The following TSPAN2 variants were observed in gnomAD, a reference collection of about 807,000 sequenced individuals.
TSPAN2 encodes tetraspanin 2, also known as tetraspanin-2.
TSPAN2 carries 24 observed loss-of-function variants against 33.3 expected under a neutral mutation model. The observed-to-expected ratio is 0.72, with a 90% CI of 0.52 to 1.01. TSPAN2 has a LOEUF of 1.01. Among genes scored for constraint, TSPAN2 ranks in the 50% least tolerant of loss-of-function variants. The probability of loss-of-function intolerance (pLI) is 0.00; values close to 1 mark genes in which losing one functional copy is unlikely to be tolerated. For missense variants in TSPAN2, 278 were observed against 281.3 expected (o/e 0.99, Z 0.08); for synonymous variants, 114 against 104.5 (o/e 1.09, Z -0.56).
At chr1:115,070,519 G>T (rs999602310) in intron 2 of TSPAN2, among the ~76,000 whole-genome samples, 1 of 151,270 alleles carries the variant, frequency 6.6e-6, no homozygotes, top group African/African-American at 2.4e-5. Flanking sequence ...ACATTCAAAG[G>T]CCTCTATACT....
chr1:115,065,664 G>A (rs930523535), intron 2 of TSPAN2, among the ~76,000 whole-genome samples: 5 of 152,050 alleles, frequency 3.3e-5, no homozygotes, highest in African/African-American at 1.2e-4. Context: ...GGGTACATAT[G>A]CTATTTCAAT....
chr1:115,072,407 C>A (rs1022275139), intron 2 of TSPAN2, among the ~76,000 whole-genome samples: 5 of 152,132 alleles, frequency 3.3e-5, no homozygotes, highest in African/African-American at 1.2e-4. Flanking sequence ...CACCTTCAAA[C>A]CTGTATTTTG....
chr1:115,053,565 A>T (rs1172565659), intron 6 of TSPAN2, 103 bp from the exon 7 acceptor site: 1 of 948,224 alleles, frequency 1.1e-6, no homozygotes, highest in Non-Finnish European at 1.6e-6. Context: ...GTGAGAGTTA[A>T]TCCATGCCAG....
chr1:115,053,342 T>C (rs1647260334), intron 7 of TSPAN2, 37 bp downstream of exon 7: 1 of 1,588,064 alleles, frequency 6.3e-7, no homozygotes, highest in Non-Finnish European at 8.6e-7. Flanking sequence ...CAAGGCTTTT[T>C]AGAGGGCAAA....
intron 1 of TSPAN2, among the ~76,000 whole-genome samples, chr1:115,073,366 C>T (rs1648264045): frequency 6.6e-6 from 1 of 152,170 alleles, no homozygotes; most frequent in South Asian, 2.1e-4. Context: ...CTTTTTGTCC[C>T]TTGCTGGGCA....
intron 7 of TSPAN2, among the ~76,000 whole-genome samples, chr1:115,050,965 T>G (rs1277511488): frequency 6.6e-6 from 1 of 152,176 alleles, no homozygotes; most frequent in Non-Finnish European, 1.5e-5. Context: ...CTAAATAATT[T>G]TCTATTGCTG....
In TSPAN2 at chr1:115,048,897, T is replaced by C. The variant is rs1207282072; in HGVS notation, c.*1593A>G. The C allele has an allele frequency of 6.6e-6, 1 of 152,176 alleles. No homozygotes were observed. The highest frequency in any genetic ancestry group is 1.9e-4 in the East Asian group (1 of 5,202). The allele number at this position is 152,176 out of a possible 1,614,324, so 9.4% of individuals were successfully genotyped here. A position where few individuals can be genotyped will look rare whatever the true frequency, so the allele number is the denominator to read the frequency against. ...CCAAAATCAGTAGCAGTAGCAAGTA[T>C]GGCAGAAAGAGAAATGTGGTTCTCC... On this transcript the variant is annotated 3_prime_UTR_variant, in exon 8 of 8. Transcript: ENST00000369516.
At chr1:115,054,569 C>G (rs1647321246) in intron 6 of TSPAN2, among the ~76,000 whole-genome samples, 1 of 152,208 alleles carries the variant, frequency 6.6e-6, no homozygotes. Flanking sequence ...TTTCACTCTT[C>G]CTCTCCTTCT....
At chr1:115,089,275 G>A in intron 1 of TSPAN2, 89 bp downstream of exon 1, 4 of 1,232,146 alleles carry the variant, frequency 3.2e-6, no homozygotes, top group Non-Finnish European at 4.4e-6. Context: ...GCGCGACTCG[G>A]ACGCCGCAGT....
rs1259291128 is a variant in TSPAN2 at position 115,048,039 on chromosome 1, A to G, written c.*2451T>C. 6.6e-6 allele frequency: 1 copy of G among 151,996 alleles called. No individual in the cohort carries two copies. Among genetic ancestry groups the G allele is most frequent in the Non-Finnish European group, 1.5e-5 (1 of 67,900 alleles). 9.4% of individuals were successfully genotyped at this position (151,996 alleles called of 1,614,324 possible). ...CAGTATATAGAAAATTTAATATGAA[A>G]TCACTTAAAATATTTCAACATTAAG... On this transcript the variant is annotated 3_prime_UTR_variant, in exon 8 of 8. Coordinates refer to ENST00000369516, the MANE Select transcript of TSPAN2 (RefSeq NM_005725.6).
chr1:115,072,225 C>T (rs1022244065), intron 2 of TSPAN2, among the ~76,000 whole-genome samples: 1 of 152,128 alleles, frequency 6.6e-6, no homozygotes, highest in Non-Finnish European at 1.5e-5. Context: ...CCCCACCCCA[C>T]ACTCCTCACC....
chr1:115,087,044 C>CA (rs1557886934), intron 1 of TSPAN2, among the ~76,000 whole-genome samples: 1 of 152,014 alleles, frequency 6.6e-6, no homozygotes, highest in Non-Finnish European at 1.5e-5. Flanking sequence ...TTCAGCCTCC[C>CA]AAGTAGCTGG....
intron 2 of TSPAN2, among the ~76,000 whole-genome samples, chr1:115,069,474 A>T (rs937658764): frequency 6.6e-6 from 1 of 152,202 alleles, no homozygotes; most frequent in East Asian, 1.9e-4. Flanking sequence ...AGCATGTTCT[A>T]CTTCTGGAGT....
intron 1 of TSPAN2, among the ~76,000 whole-genome samples, chr1:115,081,658 A>G (rs1161914812): frequency 1.3e-5 from 2 of 152,222 alleles, no homozygotes; most frequent in Non-Finnish European, 2.9e-5. Context: ...CCTCATCTGC[A>G]AAGTGAAGGT....
intron 7 of TSPAN2, 106 bp downstream of exon 7, chr1:115,053,273 T>G: frequency 2.0e-6 from 2 of 975,716 alleles, no homozygotes; most frequent in East Asian, 5.2e-5. Flanking sequence ...TCTTTTTTCT[T>G]TATGAGAATT....
chr1:115,088,011 G>C (rs1648911632), intron 1 of TSPAN2, among the ~76,000 whole-genome samples: 1 of 152,190 alleles, frequency 6.6e-6, no homozygotes, highest in Non-Finnish European at 1.5e-5. Flanking sequence ...AACAGCTTCT[G>C]AAATTAAGCC....
rs370287808 is a variant in TSPAN2 at position 115,050,517 on chromosome 1, C to G, written c.639G>C (p.Ala213=). The G allele has an allele frequency of 3.7e-6, 6 of 1,613,996 alleles. No individual in the cohort carries two copies. The South Asian group carries it at 6.6e-5, about 18-fold the overall frequency. Residue 213 remains alanine, a synonymous_variant, in exon 8 of 8, where the codon GCG becomes GCC. Transcript: ENST00000369516. Reference sequence around the variant, plus strand: ...ATATCACATCTCGTGAGTTTCGTATCGCACAGCAGAGGACCATGCTGAATA... The same window carrying G: ...ATATCACATCTCGTGAGTTTCGTATGGCACAGCAGAGGACCATGCTGAATA... The part of the protein sequence containing the change: ...GMIFSMVLCC[A]IRNSRDVI
intron 3 of TSPAN2, among the ~76,000 whole-genome samples, chr1:115,060,827 A>G (rs191984692): frequency 1.3e-5 from 2 of 151,962 alleles, no homozygotes; most frequent in East Asian, 1.9e-4. Context: ...AGTGAATAAG[A>G]TAAGTTCAGG....
Position 115,062,157 on chromosome 1 carries a change from T to C in TSPAN2, c.248A>G (p.Glu83Gly). ...TACTGATCCAAGCACACATTGCGAC[T>C]CCCGCATGGCTCCGCAGCACCCGAA... ...GFFGCCGAMR[E>G]SQCVLGSFFT... Residue 83 changes from glutamate to glycine, a missense_variant, in exon 3 of 8, where the codon GAG becomes GGG. By Grantham distance (98) the Glu-to-Gly change is moderately conservative (BLOSUM62 -2). Transcript: ENST00000369516. The C allele has an allele frequency of 3.2e-6, 5 of 1,557,866 alleles. No homozygotes were observed. The highest frequency in any genetic ancestry group is 4.4e-6 in the Non-Finnish European group (5 of 1,147,400).
Sources: gnomAD v4.1 joint callset for allele counts (sites outside exome capture counted in the v4.1 genomes callset) on GRCh38, gnomAD v4.1.1 for gene constraint, MANE v1.5 for transcripts, NCBI Gene and HGNC (gene_info 2026-07-23, HGNC 2026-07-21) for gene names.